Variants in MEI4 observed in about 807,000 individuals in gnomAD.
The protein encoded by MEI4 is meiosis-specific protein MEI4.
Under a neutral mutation model 31.4 loss-of-function variants are expected in MEI4, and 27 were observed. The observed-to-expected ratio is 0.86, with a 90% confidence interval of 0.63 to 1.19. MEI4 has a LOEUF of 1.19. MEI4 is among the 50% of genes most tolerant of loss of function. MEI4 has a pLI of 0.00. For missense variants in MEI4, 329 were observed against 398.9 expected, an observed-to-expected ratio of 0.82 and a Z score of 1.49; for synonymous variants, 122 against 145.4, an observed-to-expected ratio of 0.84 and a Z score of 1.16.
At chr6:77,911,181 T>C (rs1440913374) in intron 4 of MEI4, among the ~76,000 whole-genome samples, 2 of 152,136 alleles carry the variant, frequency 1.3e-5, no homozygotes, top group East Asian at 3.8e-4. Context: ...TTTATTTAGA[T>C]AAGTAGTTGG....
chr6:77,710,936 A>T (rs918942950), intron 2 of MEI4, among the ~76,000 whole-genome samples: 1 of 152,200 alleles, frequency 6.6e-6, no homozygotes. Flanking sequence ...ACTTAATTTT[A>T]ATCTTTTTAT....
chr6:77,892,402 A>T (rs1390776822), intron 4 of MEI4, among the ~76,000 whole-genome samples: 1 of 152,114 alleles, frequency 6.6e-6, no homozygotes, highest in African/African-American at 2.4e-5. Context: ...CCACTGGTAC[A>T]CATGGGCATG....
chr6:77,888,439 G>C (rs912528288), intron 4 of MEI4, among the ~76,000 whole-genome samples: 2 of 149,884 alleles, frequency 1.3e-5, no homozygotes, highest in African/African-American at 4.9e-5. Flanking sequence ...GCTCTACCCT[G>C]AGTTTAATAT....
chr6:77,849,662 AT>A (rs1770569534), intron 4 of MEI4, among the ~76,000 whole-genome samples: 1 of 152,210 alleles, frequency 6.6e-6, no homozygotes, highest in South Asian at 2.1e-4. Context: ...AGAAAAACCG[AT>A]TCTTTCCAGT....
chr6:77,752,292 T>G (rs902161086), intron 2 of MEI4, among the ~76,000 whole-genome samples: 4 of 152,120 alleles, frequency 2.6e-5, no homozygotes, highest in East Asian at 1.9e-4. Flanking sequence ...GAGAAAGAAA[T>G]AAAGGGTATT....
chr6:77,701,703 G>A (rs1363399357), intron 2 of MEI4, among the ~76,000 whole-genome samples: 2 of 151,962 alleles, frequency 1.3e-5, no homozygotes, highest in African/African-American at 4.8e-5. Flanking sequence ...TAAAAAGGAT[G>A]AGCAGTTGGC....
intron 4 of MEI4, among the ~76,000 whole-genome samples, chr6:77,831,964 AG>A (rs1265649150): frequency 6.6e-6 from 1 of 152,088 alleles, no homozygotes; most frequent in Admixed American, 6.6e-5. Context: ...TTGCAATGAT[AG>A]ATATCCCAAT....
intron 2 of MEI4, among the ~76,000 whole-genome samples, chr6:77,735,753 A>T (rs1767180598): frequency 6.6e-6 from 1 of 151,638 alleles, no homozygotes; most frequent in African/African-American, 2.4e-5. Context: ...TTTTTTCCCC[A>T]TCTTTGTGGT....
chr6:77,926,314 T>A lies in MEI4; in HGVS notation c.*2968T>A. Reference sequence around the variant, plus strand: ...CAGAGGAACAGCATCTTTGACCTTTTCAGGGTTGTAGCATCTTGCTACTCA... The same window carrying A: ...CAGAGGAACAGCATCTTTGACCTTTACAGGGTTGTAGCATCTTGCTACTCA... On this transcript the variant is annotated 3_prime_UTR_variant, in exon 5 of 5. Transcript: ENST00000684080. 6.6e-6 allele frequency: 1 copy of A among 151,922 alleles called. No individual in the cohort carries two copies. Among genetic ancestry groups the A allele is most frequent in the African/African-American group, 2.4e-5 (1 of 41,412 alleles). The allele number at this position is 151,922 out of a possible 1,614,324, so 9.4% of individuals were successfully genotyped here. A position where few individuals can be genotyped will look rare whatever the true frequency, so the allele number is the denominator to read the frequency against.
At chr6:77,726,406 G>A (rs964401541) in intron 2 of MEI4, among the ~76,000 whole-genome samples, 2 of 152,156 alleles carry the variant, frequency 1.3e-5, no homozygotes, top group Admixed American at 6.5e-5. Flanking sequence ...GAGACTGGCA[G>A]TGAGTGTCAT....
Position 77,799,521 on chromosome 6 carries a change from G to T in MEI4, c.769-29410G>T, listed in dbSNP as rs143770350. ...AATTAGATCCCATTTGTCAAATTTG[G>T]CTTTTGTTGCCATTGCTTTTGGTGT... is the stretch of plus-strand genomic sequence containing the variant. On this transcript the variant is annotated intron_variant, in intron 3 of 4. Transcript: ENST00000684080. Among the ~76,000 whole-genome samples the T allele has an allele frequency of 3.6e-3, 552 of 152,172 alleles. 6 individuals are homozygous for T. The highest frequency in any genetic ancestry group is 0.013 in the African/African-American group (539 of 41,488).
intron 2 of MEI4, among the ~76,000 whole-genome samples, chr6:77,732,236 G>A (rs866301148): frequency 3.3e-5 from 5 of 151,778 alleles, no homozygotes; most frequent in African/African-American, 4.9e-5. Flanking sequence ...CCATTTTCAC[G>A]ATATTGATTC....
intron 4 of MEI4, among the ~76,000 whole-genome samples, chr6:77,910,942 T>G (rs964799250): frequency 3.6e-5 from 3 of 84,412 alleles, no homozygotes; most frequent in Admixed American, 1.2e-4. Context: ...TTTTTTTTTT[T>G]GTCTTCTTAA....
chr6:77,780,231 A>T (rs1268730794), intron 3 of MEI4, among the ~76,000 whole-genome samples: 1 of 152,184 alleles, frequency 6.6e-6, no homozygotes, highest in African/African-American at 2.4e-5. Flanking sequence ...CCTTGAGTTA[A>T]TAGCTTAGAG....
chr6:77,770,950 A>C (rs953108571), intron 3 of MEI4, among the ~76,000 whole-genome samples: 2 of 152,200 alleles, frequency 1.3e-5, no homozygotes, highest in Non-Finnish European at 2.9e-5. Flanking sequence ...GATCAAATTA[A>C]ACTTTAGAGC....
intron 4 of MEI4, among the ~76,000 whole-genome samples, chr6:77,830,003 A>T (rs930010509): frequency 2.0e-5 from 3 of 152,050 alleles, no homozygotes; most frequent in African/African-American, 4.8e-5. Flanking sequence ...GATTTTTTTT[A>T]AAAACTCATT....
intron 4 of MEI4, among the ~76,000 whole-genome samples, chr6:77,905,475 C>CTT (rs70974691): frequency 1.1e-4 from 10 of 93,350 alleles, no homozygotes; most frequent in Admixed American, 1.3e-4. Context: ...AAATTTTCAG[C>CTT]TTTTTTTTTT....
intron 3 of MEI4, among the ~76,000 whole-genome samples, chr6:77,804,344 C>G (rs914709200): frequency 6.6e-6 from 1 of 152,120 alleles, no homozygotes; most frequent in Non-Finnish European, 1.5e-5. Context: ...TTTCCAGGTG[C>G]CATCTGTCAC....
chr6:77,650,547 G>A (rs1768281748), upstream of MEI4, among the ~76,000 whole-genome samples: 2 of 152,210 alleles, frequency 1.3e-5, no homozygotes, highest in South Asian at 4.1e-4. Flanking sequence ...CCGCTTGAGG[G>A]CGCCCTCCCC....
Sources: gnomAD v4.1 joint callset for allele counts (sites outside exome capture counted in the v4.1 genomes callset) on GRCh38, gnomAD v4.1.1 for gene constraint, MANE v1.5 for transcripts, NCBI Gene and HGNC (gene_info 2026-07-23, HGNC 2026-07-21) for gene names.